The following ROBO1 variants were observed in gnomAD, a reference collection of about 807,000 sequenced individuals.
ROBO1 encodes roundabout guidance receptor 1.
A neutral mutation model predicts 195.9 loss-of-function variants in ROBO1; 149 were observed. The observed-to-expected ratio is 0.76, with a 90% CI of 0.67 to 0.87. The LOEUF is 0.87. ROBO1 is among the 40% of genes least tolerant of loss of function. ROBO1 has a pLI of 0.00. For missense variants in ROBO1, 1,933 were observed against 2,068.3 expected (o/e 0.93, Z 1.27); for synonymous variants, 816 against 733.2 (o/e 1.11, Z -1.82).
At chr3:79,684,714 C>T (rs183297962) in intron 1 of ROBO1, among the ~76,000 whole-genome samples, 10 of 152,102 alleles carry the variant, frequency 6.6e-5, no homozygotes, top group South Asian at 2.1e-4. Context: ...CTTGCTCTGT[C>T]GCCCAGACTG....
At chr3:79,623,606 A>G (rs1412068417) in intron 1 of ROBO1, among the ~76,000 whole-genome samples, 1 of 152,216 alleles carries the variant, frequency 6.6e-6, no homozygotes, top group Admixed American at 6.5e-5. Flanking sequence ...GAGTTGGAAG[A>G]CTGCCTTATT....
chr3:79,224,206 G>A (rs1445223822), intron 2 of ROBO1, among the ~76,000 whole-genome samples: 3 of 152,092 alleles, frequency 2.0e-5, no homozygotes, highest in Non-Finnish European at 4.4e-5. Context: ...GCAAAAATAG[G>A]TTATGAACAC....
chr3:79,025,163 C>G (rs1198502995), intron 3 of ROBO1, among the ~76,000 whole-genome samples: 2 of 152,082 alleles, frequency 1.3e-5, no homozygotes, highest in African/African-American at 4.8e-5. Context: ...AGCCTCCTGC[C>G]TCAAGGAATT....
chr3:78,654,624 T>G (rs1305139735), intron 18 of ROBO1, among the ~76,000 whole-genome samples: 2 of 152,154 alleles, frequency 1.3e-5, no homozygotes, highest in East Asian at 3.9e-4. Context: ...CTTAACAGAC[T>G]CAAGTGTGGT....
intron 2 of ROBO1, among the ~76,000 whole-genome samples, chr3:79,341,430 A>G (rs951200749): frequency 6.6e-6 from 1 of 152,166 alleles, no homozygotes; most frequent in African/African-American, 2.4e-5. Context: ...GTAGTTTGCC[A>G]TCACATTCAT....
chr3:79,025,179 G>A lies in ROBO1; in HGVS notation c.173-86252C>T, dbSNP rs373684509. On this transcript the variant is annotated intron_variant, in intron 3 of 30. Coordinates refer to ENST00000464233, the MANE Select transcript of ROBO1 (RefSeq NM_002941.4). ...GCCTCCTGCCTCAAGGAATTTACATGTGCTCTACGTGGAGTACTCACCTTC... is the reference window on the plus strand; with the variant it reads ...GCCTCCTGCCTCAAGGAATTTACATATGCTCTACGTGGAGTACTCACCTTC... 5.8e-4 allele frequency among the ~76,000 whole-genome samples: 89 copies of A among 152,200 alleles called. 1 individual carries two copies. Among genetic ancestry groups the A allele is most frequent in the African/African-American group, 2.1e-3 (86 of 41,516 alleles).
At chr3:79,343,849 A>C (rs142367962) in intron 2 of ROBO1, among the ~76,000 whole-genome samples, 2 of 152,148 alleles carry the variant, frequency 1.3e-5, no homozygotes, top group Admixed American at 1.3e-4. Flanking sequence ...GGGTTTTGTC[A>C]ATTGTACACA....
chr3:79,133,976 G>A (rs1386198347), intron 2 of ROBO1, among the ~76,000 whole-genome samples: 5 of 151,798 alleles, frequency 3.3e-5, no homozygotes, highest in Non-Finnish European at 7.4e-5. Context: ...CATAGGCGTG[G>A]GCAAGGACTT....
At chr3:79,276,487 CTT>C (rs1454690733) in intron 2 of ROBO1, among the ~76,000 whole-genome samples, 1 of 151,936 alleles carries the variant, frequency 6.6e-6, no homozygotes, top group Admixed American at 6.6e-5. Flanking sequence ...TTATTAAAGA[CTT>C]AAATCTAAGA....
At chr3:79,321,738 C>A (rs1020989875) in intron 2 of ROBO1, among the ~76,000 whole-genome samples, 1 of 152,122 alleles carries the variant, frequency 6.6e-6, no homozygotes, top group African/African-American at 2.4e-5. Context: ...TCCTTTTTCA[C>A]AGGCAGATCA....
chr3:79,227,316 C>T (rs1475373893), intron 2 of ROBO1, among the ~76,000 whole-genome samples: 2 of 152,164 alleles, frequency 1.3e-5, no homozygotes, highest in East Asian at 3.8e-4. Context: ...GTGTTCTCCA[C>T]TTGCTCTACG....
At chr3:79,222,583 G>A (rs920611413) in intron 2 of ROBO1, among the ~76,000 whole-genome samples, 1 of 150,174 alleles carries the variant, frequency 6.7e-6, no homozygotes, top group Non-Finnish European at 1.5e-5. Context: ...ATCACTTTTT[G>A]TCTCTTAAAC....
intron 4 of ROBO1, among the ~76,000 whole-genome samples, chr3:78,748,967 A>G (rs1334069146): frequency 6.6e-6 from 1 of 152,206 alleles, no homozygotes; most frequent in Non-Finnish European, 1.5e-5. Context: ...TGTTAAACTG[A>G]AAACTCCAGC....
chr3:78,782,649 T>G (rs2083713411), intron 4 of ROBO1, among the ~76,000 whole-genome samples: 1 of 152,218 alleles, frequency 6.6e-6, no homozygotes, highest in South Asian at 2.1e-4. Flanking sequence ...CTGGCTTTCC[T>G]GAATCTATAA....
intron 3 of ROBO1, among the ~76,000 whole-genome samples, chr3:79,002,153 G>A (rs2077519422): frequency 1.3e-5 from 2 of 152,090 alleles, no homozygotes; most frequent in African/African-American, 4.8e-5. Flanking sequence ...AACTGACCAT[G>A]AGCACATGTG....
chr3:79,504,049 C>G (rs1940261921), intron 2 of ROBO1, among the ~76,000 whole-genome samples: 1 of 152,058 alleles, frequency 6.6e-6, no homozygotes, highest in Non-Finnish European at 1.5e-5. Context: ...TGCAATAGTA[C>G]TCTAAAAATT....
At chr3:78,774,848 A>G (rs543375790) in intron 4 of ROBO1, among the ~76,000 whole-genome samples, 1 of 152,312 alleles carries the variant, frequency 6.6e-6, no homozygotes, top group South Asian at 2.1e-4. Flanking sequence ...TTTGCTAAGG[A>G]TAAAAGACTT....
At chr3:79,711,421 T>C (rs941619708) in intron 1 of ROBO1, among the ~76,000 whole-genome samples, 1 of 152,198 alleles carries the variant, frequency 6.6e-6, no homozygotes, top group Non-Finnish European at 1.5e-5. Flanking sequence ...AGAATAAATA[T>C]AGCTCAGAAA....
chr3:79,328,741 G>C (rs895127496), intron 2 of ROBO1, among the ~76,000 whole-genome samples: 1 of 151,982 alleles, frequency 6.6e-6, no homozygotes, highest in Non-Finnish European at 1.5e-5. Flanking sequence ...AGAGTACACT[G>C]TACCCAACGT....
Sources: allele counts gnomAD v4.1 joint callset (sites outside exome capture counted in the v4.1 genomes callset), GRCh38; gene constraint gnomAD v4.1.1; transcripts MANE v1.5; gene names NCBI Gene and HGNC (gene_info 2026-07-23, HGNC 2026-07-21).